Variants in ATP5F1A observed in about 807,000 individuals in gnomAD.
ATP5F1A encodes ATP synthase F(1) complex subunit alpha, mitochondrial.
ATP5F1A carries 24 observed loss-of-function variants against 57.4 expected under a neutral mutation model. The observed-to-expected ratio is 0.42, with a 90% CI of 0.30 to 0.59. The LOEUF (loss-of-function observed/expected upper bound fraction) is 0.59. Among genes scored for constraint, ATP5F1A ranks in the 20% least tolerant of loss-of-function variants. ATP5F1A has a pLI of 0.19. For synonymous variants in ATP5F1A, 251 were observed against 255.5 expected, an observed-to-expected ratio of 0.98 and a Z score of 0.17; for missense variants, 494 against 707.9, an observed-to-expected ratio of 0.70 and a Z score of 3.43.
chr18:46,097,877 AC>A, intron 1 of ATP5F1A: 1 of 1,210,542 alleles, frequency 8.3e-7, no homozygotes, highest in Non-Finnish European at 1.0e-6. Flanking sequence ...CCAAGCCCTG[AC>A]CTTCACCCAA....
chr18:46,089,467 C>T, intron 5 of ATP5F1A, 99 bp downstream of exon 5: 5 of 1,372,844 alleles, frequency 3.6e-6, no homozygotes, highest in Non-Finnish European at 5.0e-6. Flanking sequence ...GTATTAGATT[C>T]TAATGTCCCC....
chr18:46,088,356 AAAG>A (rs1196825305), intron 5 of ATP5F1A, 99 bp from the exon 6 acceptor site: 77 of 1,114,190 alleles, frequency 6.9e-5, no homozygotes, highest in Admixed American at 6.5e-4. Flanking sequence ...GTCTATGCAG[AAAG>A]AAGAAGACAT....
rs1324574272 is a variant in ATP5F1A, at chr18:46,095,079, G to A, written c.113C>T (p.Ala38Val). 1.9e-6 allele frequency: 3 copies of A among 1,613,570 alleles called. No homozygotes were observed. In the African/African-American group the frequency reaches 4.0e-5, roughly 22 times the overall value. The change falls in exon 2 of 12, where the codon GCC (alanine) becomes GTC (valine). Residue 38 changes from alanine to valine, a missense_variant. Physicochemically the swap from Ala to Val is moderately conservative, Grantham distance 64 (BLOSUM62 0). This residue lies in a region of ATP5F1A where 142 missense variants were observed against 137.5 expected (regional missense o/e 1.03). Coordinates refer to ENST00000398752, the MANE Select transcript of ATP5F1A (RefSeq NM_004046.6). ...SSFIAARNFH[A>V]SNTHLQKTGT... is the part of the protein sequence containing the mutation. ...AGTCTTTTGAAGATGAGTGTTAGAG[G>A]CATGGAAGTTCCTTGCAGCAATGAA...
In ATP5F1A at chr18:46,087,332, T is replaced by G. The variant is rs768949207; in HGVS notation, c.951+9A>C. On this transcript the variant is annotated intron_variant, in intron 7 of 11. Coordinates refer to ENST00000398752, the MANE Select transcript of ATP5F1A (RefSeq NM_004046.6). ...AATAAATGGATTCTAAAAATTTATT[T>G]CCTTTGACCTGTTTGGATAAGTCGT... is the stretch of plus-strand genomic sequence containing the variant. The G allele has an allele frequency of 3.1e-6, 5 of 1,612,058 alleles. No individual in the cohort carries two copies. The South Asian group carries it at 5.5e-5, about 18-fold the overall frequency.
chr18:46,087,612 G>A (rs1910214148), intron 6 of ATP5F1A, 120 bp from the exon 7 acceptor site: 4 of 1,174,994 alleles, frequency 3.4e-6, no homozygotes, highest in South Asian at 1.5e-5. Context: ...AGGCGCAGTG[G>A]CTCATGCCTG....
chr18:46,097,754 G>A lies in ATP5F1A; in HGVS notation c.60+418C>T, dbSNP rs1911065747. 9 of 942,520 alleles carry A rather than the reference G, an allele frequency of 9.5e-6. No individual in the cohort carries two copies. In the South Asian group the frequency reaches 3.8e-4, roughly 40 times the overall value. 58.4% of individuals were successfully genotyped at this position (942,520 alleles called of 1,614,324 possible). On this transcript the variant is annotated intron_variant, in intron 1 of 11. Transcript: ENST00000398752. ...CCTTCACACAATGTCAGACTCCACT[G>A]ACTAGCTTCAACAAGAGCTGACAGC...
At chr18:46,101,141 T>C (rs1426024063), upstream of ATP5F1A, among the ~76,000 whole-genome samples, 4 of 152,198 alleles carry the variant, frequency 2.6e-5, no homozygotes, top group African/African-American at 9.6e-5. Flanking sequence ...TACAGATAAT[T>C]ACATTTTTGG....
chr18:46,095,276 G>A, intron 1 of ATP5F1A, 145 bp from the exon 2 acceptor site: 1 of 703,536 alleles, frequency 1.4e-6, no homozygotes, highest in African/African-American at 1.8e-5. Context: ...AATGTCAAAT[G>A]GGAAAGTAGC....
At chr18:46,098,149 T>A in intron 1 of ATP5F1A, 23 bp downstream of exon 1, 1 of 1,594,694 alleles carries the variant, frequency 6.3e-7, no homozygotes. Flanking sequence ...GCCGCCTGCA[T>A]CATGCCGGCC....
In ATP5F1A at chr18:46,082,707, A is replaced by AT. The variant is rs371936394; in HGVS notation, c.*1574_*1575insA. On this transcript the variant is annotated 3_prime_UTR_variant, in exon 12 of 12. Transcript: ENST00000398752. ...TAAATAAATAACTAAGTAAAAAAAAAGGTAACACATTAAGAATGAGCAAAG... is the reference window on the plus strand; with the variant it reads ...TAAATAAATAACTAAGTAAAAAAAAATGGTAACACATTAAGAATGAGCAAAG... 2.6e-5 allele frequency: 4 copies of AT among 152,272 alleles called. No homozygotes were observed. The highest frequency in any genetic ancestry group is 1.3e-4 in the Admixed American group (2 of 15,280). 9.4% of individuals were successfully genotyped at this position (152,272 alleles called of 1,614,324 possible). A position where few individuals can be genotyped will look rare whatever the true frequency, so the allele number is the denominator to read the frequency against.
upstream of ATP5F1A, chr18:46,098,540 GT>G: frequency 4.4e-6 from 2 of 451,488 alleles, no homozygotes; most frequent in South Asian, 9.2e-5. Context: ...GTTGCCCCGG[GT>G]GACCACGTGG....
At position 46,086,182 on chromosome 18, in the gene ATP5F1A, C is replaced by G. The variant is rs374742618; in HGVS notation, c.1360G>C (p.Asp454His). Residue 454 changes from aspartate to histidine, a missense_variant, in exon 10 of 12, where the codon GAT becomes CAT. By Grantham distance (81) the Asp-to-His change is moderately conservative. This residue lies in a region of ATP5F1A where 127 missense variants were observed against 195.2 expected (regional missense o/e 0.65). Coordinates refer to ENST00000398752, the MANE Select transcript of ATP5F1A (RefSeq NM_004046.6). ...CTCAAAAGTTGTTGAGTGGCAGCAT[C>G]GAGGTCAGAACCGAACTGGGCAAAA... Reference protein sequence around the residue: ...AAFAQFGSDLDAATQQLLSRG... With the variant: ...AAFAQFGSDLHAATQQLLSRG... The G allele has an allele frequency of 4.3e-5, 69 of 1,612,360 alleles. No individual in the cohort carries two copies. The highest frequency in any genetic ancestry group is 1.3e-5 in the African/African-American group (1 of 74,826).
chr18:46,096,908 G>C (rs1238754116), intron 1 of ATP5F1A, among the ~76,000 whole-genome samples: 1 of 149,788 alleles, frequency 6.7e-6, no homozygotes, highest in East Asian at 2.0e-4. Flanking sequence ...ACTTGATCCT[G>C]GGAGGCGGTG....
intron 8 of ATP5F1A, 185 bp from the exon 9 acceptor site, chr18:46,086,679 A>C: frequency 1.6e-6 from 1 of 615,782 alleles, no homozygotes; most frequent in South Asian, 2.1e-5. Flanking sequence ...GCATGAGATG[A>C]GAAAAAAACA....
upstream of ATP5F1A, among the ~76,000 whole-genome samples, chr18:46,098,548 G>T (rs903582669): frequency 6.6e-6 from 1 of 152,082 alleles, no homozygotes; most frequent in African/African-American, 2.4e-5. Context: ...GGGTGACCAC[G>T]TGGGTAGCTG....
intron 10 of ATP5F1A, 96 bp downstream of exon 10, chr18:46,086,017 G>T: frequency 1.5e-6 from 2 of 1,325,480 alleles, no homozygotes; most frequent in South Asian, 1.5e-5. Flanking sequence ...ATAACAACAC[G>T]TAGTACAGGC....
chr18:46,098,338 C>A (rs1911137942), upstream of ATP5F1A: 17 of 1,420,610 alleles, frequency 1.2e-5, no homozygotes, highest in South Asian at 2.4e-4. Context: ...CCCACCTGAC[C>A]CGGAAGTACT....
At chr18:46,096,500 C>G (rs866788838) in intron 1 of ATP5F1A, among the ~76,000 whole-genome samples, 1 of 70,648 alleles carries the variant, frequency 1.4e-5, no homozygotes, top group African/African-American at 5.2e-5. Context: ...AACTCCGTCT[C>G]AAAAAAAAAA....
At chr18:46,100,795 G>A (rs2578190), upstream of ATP5F1A, among the ~76,000 whole-genome samples, 25,765 of 152,108 alleles carry the variant, frequency 0.17, 3,232 homozygotes, top group East Asian at 0.39. Context: ...TAGGTCAGCC[G>A]GGCACGGTGG....
Sources: gnomAD v4.1 joint callset for allele counts (sites outside exome capture counted in the v4.1 genomes callset) on GRCh38, gnomAD v4.1.1 for gene constraint, gnomAD v4.1.1 regional missense constraint, MANE v1.5 for transcripts, NCBI Gene and HGNC (gene_info 2026-07-23, HGNC 2026-07-21) for gene names.